ATP5MJ: variants seen among roughly 807,000 people sequenced by gnomAD.
ATP5MJ encodes the protein ATP synthase F(0) complex subunit j, mitochondrial.
A neutral mutation model predicts 8.3 loss-of-function variants in ATP5MJ; 4 were observed. The ratio of observed to expected loss-of-function variants is 0.48; its 90% confidence interval spans 0.24 to 1.11. The LOEUF (loss-of-function observed/expected upper bound fraction) is 1.11. Among genes scored for constraint, ATP5MJ ranks in the 50% least tolerant of loss-of-function variants. The pLI is 0.18. For missense variants in ATP5MJ, 66 were observed against 71.8 expected, an observed-to-expected ratio of 0.92 and a Z score of 0.29; for synonymous variants, 23 against 21.3, an observed-to-expected ratio of 1.08 and a Z score of -0.23.
intron 1 of ATP5MJ, among the ~76,000 whole-genome samples, chr14:103,916,877 C>T (rs1203694356): frequency 6.6e-6 from 1 of 152,166 alleles, no homozygotes; most frequent in African/African-American, 2.4e-5. Context: ...CGGCAGTGTG[C>T]TCCCTTTCCC....
chr14:103,914,054 C>A, intron 2 of ATP5MJ, 70 bp from the exon 3 acceptor site: 1 of 1,429,242 alleles, frequency 7.0e-7, no homozygotes, highest in Non-Finnish European at 9.7e-7. Flanking sequence ...TCAAAATTAA[C>A]ATTTAGCTGA....
At position 103,914,709 on chromosome 14, in the gene ATP5MJ, C is replaced by T. The variant is rs2087609097; in HGVS notation, c.124+357G>A. On this transcript the variant is annotated intron_variant, in intron 2 of 3. Transcript: ENST00000286953. ...GGGCATAGTGACGGGCACCTGTGGT[C>T]CTAGCTACTTGGCAGGCTGAGGTGG... 9 of 554,894 alleles carry T rather than the reference C, an allele frequency of 1.6e-5. No individual in the cohort carries two copies. The South Asian group carries it at 2.2e-4, about 13-fold the overall frequency. The allele number at this position is 554,894 out of a possible 1,614,324, so 34.4% of individuals were successfully genotyped here.
intron 1 of ATP5MJ, chr14:103,920,993 A>C: frequency 6.4e-7 from 1 of 1,551,714 alleles, no homozygotes; most frequent in Non-Finnish European, 8.7e-7. Flanking sequence ...AATTTCATTC[A>C]GCACCGTATG....
intron 1 of ATP5MJ, among the ~76,000 whole-genome samples, chr14:103,919,056 A>AGCCTAGT (rs1469920360): frequency 6.6e-6 from 1 of 152,028 alleles, no homozygotes; most frequent in Non-Finnish European, 1.5e-5. Context: ...TAAAGGACCC[A>AGCCTAGT]GCCTAGTGCC....
intron 2 of ATP5MJ, 166 bp from the exon 3 acceptor site, chr14:103,914,150 G>A (rs1286561118): frequency 1.5e-6 from 1 of 653,598 alleles, no homozygotes; most frequent in African/African-American, 1.8e-5. Flanking sequence ...TACCAAAGAT[G>A]TTCTATGAAC....
chr14:103,913,702 A>G (rs2087599055), intron 3 of ATP5MJ: 1 of 561,650 alleles, frequency 1.8e-6, no homozygotes. Flanking sequence ...ATTGGTGATG[A>G]TATCGACTAC....
chr14:103,921,094 AAGGAG>A, intron 1 of ATP5MJ: 1 of 1,441,100 alleles, frequency 6.9e-7, no homozygotes, highest in Non-Finnish European at 9.5e-7. Context: ...TTGAGTTATA[AAGGAG>A]AGAAGGGACT....
intron 2 of ATP5MJ, chr14:103,914,849 A>AAAAAAAAAAAAAAAAT (rs1428791290): frequency 2.2e-5 from 8 of 365,134 alleles, no homozygotes; most frequent in African/African-American, 5.5e-5. Context: ...AAAAAAAAAA[A>AAAAAAAAAAAAAAAAT]AAAAAAAAGA....
In ATP5MJ at chr14:103,912,314, C is replaced by T. The variant is rs138741258; in HGVS notation, c.*352G>A. On this transcript the variant is annotated 3_prime_UTR_variant, in exon 4 of 4. Transcript: ENST00000286953. ...AAGTAGCAGGATCAAGTTTAATAAA[C>T]GTTTATTGAGCAGTAGAATACAAGT... The T allele has an allele frequency of 8.4e-4, 196 of 233,096 alleles. No homozygotes were observed. Among genetic ancestry groups the T allele is most frequent in the African/African-American group, 3.3e-3 (150 of 44,816 alleles). 14.4% of individuals were successfully genotyped at this position (233,096 alleles called of 1,614,324 possible).
Position 103,914,837 on chromosome 14 carries a change from C to CAAAAA in ATP5MJ, c.124+224_124+228dup, listed in dbSNP as rs35916279. 3.5e-3 allele frequency: 657 copies of CAAAAA among 189,438 alleles called. 2 individuals are homozygous for CAAAAA. Among genetic ancestry groups the CAAAAA allele is most frequent in the South Asian group, 6.0e-3 (89 of 14,840 alleles). The allele number at this position is 189,438 out of a possible 1,614,324, so 11.7% of individuals were successfully genotyped here. A position where few individuals can be genotyped will look rare whatever the true frequency, so the allele number is the denominator to read the frequency against. On this transcript the variant is annotated intron_variant, in intron 2 of 3. Transcript: ENST00000286953. ...GGGCGTCAGAGTGAGAGACTGTCTC[C>CAAAAA]AAAAAAAAAAAAAAAAAAAAGAAAA...
chr14:103,914,858 G>GAAAAAA (rs1314714313), intron 2 of ATP5MJ: 7 of 329,534 alleles, frequency 2.1e-5, no homozygotes, highest in African/African-American at 3.1e-5. Context: ...AAAAAAAAAA[G>GAAAAAA]AAAAGAAAAG....
chr14:103,918,968 G>A (rs1435031735), intron 1 of ATP5MJ, among the ~76,000 whole-genome samples: 1 of 151,766 alleles, frequency 6.6e-6, no homozygotes, highest in Non-Finnish European at 1.5e-5. Context: ...CTTGCAGTGA[G>A]CCAAGATTGC....
At chr14:103,914,638 A>C (rs769423976) in intron 2 of ATP5MJ, 3 of 312,562 alleles carry the variant, frequency 9.6e-6, no homozygotes, top group Non-Finnish European at 6.0e-6. Context: ...CCATCTCTAC[A>C]AAAAAAAAAA....
At chr14:103,920,637 A>G (rs2087669242) in intron 1 of ATP5MJ, among the ~76,000 whole-genome samples, 2 of 149,584 alleles carry the variant, frequency 1.3e-5, no homozygotes, top group South Asian at 4.2e-4. Context: ...ACACCCAGCT[A>G]ATTTTTGTAT....
In ATP5MJ at chr14:103,913,936, C is replaced by T. The variant is rs1482485686; in HGVS notation, c.148+25G>A. ...ACATGATGCTGTTTTCCATTCCCAA[C>T]CATTTTCAGAAGCAAAAATCTTACC... On this transcript the variant is annotated intron_variant, in intron 3 of 3. Coordinates refer to ENST00000286953, the MANE Select transcript of ATP5MJ (RefSeq NM_004894.3). The T allele has an allele frequency of 5.6e-6, 9 of 1,610,504 alleles. No individual in the cohort carries two copies. The African/African-American group carries it at 9.4e-5, about 17-fold the overall frequency.
intron 3 of ATP5MJ, chr14:103,913,706 C>A (rs1340557542): frequency 1.2e-5 from 7 of 561,116 alleles, no homozygotes; most frequent in East Asian, 2.9e-5. Context: ...GTGATGATAT[C>A]GACTACCTCT....
At chr14:103,919,383 TAA>T (rs34078178) in intron 1 of ATP5MJ, among the ~76,000 whole-genome samples, 12,180 of 130,136 alleles carry the variant, frequency 0.094, 1,767 homozygotes, top group African/African-American at 0.32. Context: ...CCCTTTATCT[TAA>T]AAAAAAAAAA....
At chr14:103,912,989 A>G in intron 3 of ATP5MJ, 1 of 380,468 alleles carries the variant, frequency 2.6e-6, no homozygotes, top group East Asian at 4.4e-5. Flanking sequence ...TCAAATGGCT[A>G]CAGTTTCATT....
intron 1 of ATP5MJ, chr14:103,921,258 G>A: frequency 1.9e-6 from 1 of 513,858 alleles, no homozygotes; most frequent in Non-Finnish European, 3.5e-6. Flanking sequence ...TTAAGGCCAA[G>A]GAGGGAAACG....
Sources: gnomAD v4.1 joint callset for allele counts (sites outside exome capture counted in the v4.1 genomes callset) on GRCh38, gnomAD v4.1.1 for gene constraint, MANE v1.5 for transcripts, NCBI Gene and HGNC (gene_info 2026-07-23, HGNC 2026-07-21) for gene names.